Variants in AGTPBP1 observed in about 807,000 individuals in gnomAD.
AGTPBP1 encodes the protein cytosolic carboxypeptidase 1.
Under a neutral mutation model 143.9 loss-of-function variants are expected in AGTPBP1, and 70 were observed. The ratio of observed to expected loss-of-function variants is 0.49; its 90% CI spans 0.40 to 0.59. AGTPBP1 has a LOEUF of 0.59. AGTPBP1 is among the 20% of genes least tolerant of loss of function. AGTPBP1 has a pLI of 0.00. For missense variants in AGTPBP1, 1,229 were observed against 1,464.5 expected (o/e 0.84, Z 2.62); for synonymous variants, 463 against 500.2 (o/e 0.93, Z 0.99).
chr9:85,767,666 G>A, the AGTPBP1 span, among the ~76,000 whole-genome samples: 1 of 151,930 alleles, frequency 6.6e-6, no homozygotes, highest in African/African-American at 2.4e-5. Context: ...ATTTTTAGTA[G>A]AGACGAGGTC....
At chr9:85,570,105 A>T (rs1311874078) in intron 25 of AGTPBP1, among the ~76,000 whole-genome samples, 1 of 152,166 alleles carries the variant, frequency 6.6e-6, no homozygotes, top group Non-Finnish European at 1.5e-5. Flanking sequence ...CCATATGATA[A>T]CTGAGACAGC....
At chr9:85,690,289 C>T (rs148174046) in intron 3 of AGTPBP1, among the ~76,000 whole-genome samples, 114 of 152,218 alleles carry the variant, frequency 7.5e-4, no homozygotes, top group African/African-American at 2.7e-3. Context: ...CTGGATTATC[C>T]TATAAAGGAT....
At chr9:85,658,892 C>T (rs1833691952) in intron 9 of AGTPBP1, among the ~76,000 whole-genome samples, 1 of 152,052 alleles carries the variant, frequency 6.6e-6, no homozygotes, top group Admixed American at 6.6e-5. Context: ...AAATCACTTC[C>T]ATTGTTTTGA....
chr9:85,782,479 C>T, the AGTPBP1 span, among the ~76,000 whole-genome samples: 50 of 152,242 alleles, frequency 3.3e-4, no homozygotes, highest in African/African-American at 1.0e-3. Context: ...CACGACATTG[C>T]ACCCCGACCT....
At position 85,648,619 on chromosome 9, in the gene AGTPBP1, T is replaced by C. The variant is rs566182523; in HGVS notation, c.1088-2201A>G. 4.6e-5 allele frequency among the ~76,000 whole-genome samples: 7 copies of C among 152,290 alleles called. No homozygotes were observed. The East Asian group carries it at 9.7e-4, about 21-fold the overall frequency. On this transcript the variant is annotated intron_variant, in intron 11 of 25. Transcript: ENST00000357081. ...CGAGGTCAGGAGATCGAGACCATCCTGGCTAACACAGTGAAACCCCGTCTC... is the reference window on the plus strand; with the variant it reads ...CGAGGTCAGGAGATCGAGACCATCCCGGCTAACACAGTGAAACCCCGTCTC...
At chr9:85,733,626 T>C (rs754074162) in intron 1 of AGTPBP1, among the ~76,000 whole-genome samples, 4 of 151,748 alleles carry the variant, frequency 2.6e-5, no homozygotes, top group Non-Finnish European at 4.4e-5. Flanking sequence ...GGAGAAATAA[T>C]TAAAATAGAG....
At chr9:85,734,091 A>C (rs1389475464) in intron 1 of AGTPBP1, among the ~76,000 whole-genome samples, 1 of 152,162 alleles carries the variant, frequency 6.6e-6, no homozygotes, top group African/African-American at 2.4e-5. Context: ...GTCTCTACTA[A>C]AAATACAAAA....
intron 24 of AGTPBP1, among the ~76,000 whole-genome samples, chr9:85,577,899 A>G (rs1471552546): frequency 1.3e-5 from 2 of 152,236 alleles, no homozygotes; most frequent in African/African-American, 4.8e-5. Flanking sequence ...TAATATGTTT[A>G]CATTTTAAAT....
intron 2 of AGTPBP1, among the ~76,000 whole-genome samples, chr9:85,695,523 T>C (rs773725039): frequency 6.6e-6 from 1 of 152,214 alleles, no homozygotes; most frequent in Admixed American, 6.5e-5. Flanking sequence ...AGAGTTGGCA[T>C]TGCAGCAAAA....
At chr9:85,641,101 T>C (rs1832434155) in intron 13 of AGTPBP1, among the ~76,000 whole-genome samples, 1 of 152,192 alleles carries the variant, frequency 6.6e-6, no homozygotes, top group South Asian at 2.1e-4. Context: ...AGCCATCTGC[T>C]ACCAGATCAA....
intron 18 of AGTPBP1, among the ~76,000 whole-genome samples, chr9:85,594,349 T>G (rs966000256): frequency 1.3e-5 from 2 of 152,222 alleles, no homozygotes; most frequent in East Asian, 3.9e-4. Context: ...CCAGGCACTT[T>G]TGTTCATGCC....
the AGTPBP1 span, among the ~76,000 whole-genome samples, chr9:85,798,453 C>T: frequency 2.6e-5 from 4 of 151,450 alleles, no homozygotes; most frequent in East Asian, 7.8e-4. Context: ...CTGCAACCTC[C>T]GCCTCCTGGG....
intron 3 of AGTPBP1, among the ~76,000 whole-genome samples, chr9:85,682,304 G>A (rs890528137): frequency 1.3e-5 from 2 of 151,606 alleles, no homozygotes; most frequent in Non-Finnish European, 2.9e-5. Flanking sequence ...TTTAGAAAAG[G>A]AACTAACATT....
intron 1 of AGTPBP1, among the ~76,000 whole-genome samples, chr9:85,727,920 T>G (rs986288656): frequency 6.6e-6 from 1 of 151,848 alleles, no homozygotes; most frequent in Non-Finnish European, 1.5e-5. Flanking sequence ...CCCAGCTGCT[T>G]GGGAGGCTGA....
chr9:85,573,409 A>G (rs1487319416), intron 25 of AGTPBP1, among the ~76,000 whole-genome samples: 1 of 152,120 alleles, frequency 6.6e-6, no homozygotes, highest in Admixed American at 6.5e-5. Context: ...CTCAGTGCTC[A>G]ATGGTGCCCA....
chr9:85,573,585 C>T (rs1418655463), intron 25 of AGTPBP1, among the ~76,000 whole-genome samples: 5 of 151,430 alleles, frequency 3.3e-5, no homozygotes, highest in Non-Finnish European at 7.4e-5. Context: ...ATGTGAGGAG[C>T]CCCTCTGCCC....
the AGTPBP1 span, among the ~76,000 whole-genome samples, chr9:85,750,416 T>C: frequency 6.6e-6 from 1 of 152,190 alleles, no homozygotes; most frequent in African/African-American, 2.4e-5. Context: ...TGGCACCTGT[T>C]TTCTTTGTGA....
chr9:85,723,397 A>C (rs1224200705), intron 1 of AGTPBP1, among the ~76,000 whole-genome samples: 1 of 152,200 alleles, frequency 6.6e-6, no homozygotes, highest in Non-Finnish European at 1.5e-5. Context: ...AAGCCTCAGC[A>C]ATGGCGGACG....
chr9:85,718,609 T>C (rs1837881383), intron 1 of AGTPBP1, among the ~76,000 whole-genome samples: 1 of 152,192 alleles, frequency 6.6e-6, no homozygotes, highest in South Asian at 2.1e-4. Context: ...TTTTCTCCCA[T>C]TCTGTAGGTT....
Sources: allele counts gnomAD v4.1 joint callset (sites outside exome capture counted in the v4.1 genomes callset), GRCh38; gene constraint gnomAD v4.1.1; transcripts MANE v1.5; gene names NCBI Gene and HGNC (gene_info 2026-07-23, HGNC 2026-07-21).